MLLT3: variants seen among roughly 807,000 people sequenced by gnomAD.
The protein encoded by MLLT3 is MLLT3 super elongation complex subunit.
A neutral mutation model predicts 53.2 loss-of-function variants in MLLT3; 4 were observed. That is an observed-to-expected ratio of 0.08 (90% confidence interval 0.04 to 0.17). The LOEUF is 0.17. Ranked by LOEUF, MLLT3 falls within the 10% of genes least tolerant of loss-of-function variation. The pLI, the probability that MLLT3 is intolerant of heterozygous loss-of-function variation, is 1.00. For synonymous variants in MLLT3, 283 were observed against 230.6 expected (o/e 1.23, Z -2.06); for missense variants, 569 against 684.0 (o/e 0.83, Z 1.87).
At chr9:20,407,784 T>C (rs1300424033) in intron 5 of MLLT3, among the ~76,000 whole-genome samples, 1 of 152,068 alleles carries the variant, frequency 6.6e-6, no homozygotes. Flanking sequence ...ATAATACCTA[T>C]TTCACAGAGC....
intron 4 of MLLT3, among the ~76,000 whole-genome samples, chr9:20,425,794 A>T (rs906615168): frequency 1.3e-5 from 2 of 152,054 alleles, no homozygotes; most frequent in Non-Finnish European, 2.9e-5. Context: ...ATTTATTTCA[A>T]CTATGAAGAG....
chr9:20,420,790 C>T (rs1466425980), intron 4 of MLLT3, among the ~76,000 whole-genome samples: 1 of 152,094 alleles, frequency 6.6e-6, no homozygotes, highest in Non-Finnish European at 1.5e-5. Flanking sequence ...TGGTGTGCTG[C>T]ACCCATTAAC....
At chr9:20,398,148 G>A (rs556668733) in intron 5 of MLLT3, among the ~76,000 whole-genome samples, 35 of 152,114 alleles carry the variant, frequency 2.3e-4, no homozygotes, top group Admixed American at 1.9e-3. Context: ...TCAGGCTGGA[G>A]TGCAGTGTTA....
At chr9:20,589,136 G>A (rs1174801885) in intron 2 of MLLT3, among the ~76,000 whole-genome samples, 5 of 148,786 alleles carry the variant, frequency 3.4e-5, no homozygotes, top group Admixed American at 1.4e-4. Context: ...GCATGCACAC[G>A]TATGTTTATT....
chr9:20,441,964 C>G (rs1823566403), intron 4 of MLLT3, among the ~76,000 whole-genome samples: 1 of 152,098 alleles, frequency 6.6e-6, no homozygotes. Flanking sequence ...AAACACAGAC[C>G]TTGGTTAAAG....
At chr9:20,365,789 A>G (rs1438941854) in intron 5 of MLLT3, 45 bp from the exon 6 acceptor site, 3 of 1,593,436 alleles carry the variant, frequency 1.9e-6, no homozygotes, top group Non-Finnish European at 2.6e-6. Context: ...TTTACGGGAT[A>G]CCACACATCT....
chr9:20,495,324 C>A (rs1351961076), intron 2 of MLLT3, among the ~76,000 whole-genome samples: 1 of 152,204 alleles, frequency 6.6e-6, no homozygotes, highest in East Asian at 1.9e-4. Context: ...CCACTGCGAC[C>A]TACTGAATCA....
intron 2 of MLLT3, among the ~76,000 whole-genome samples, chr9:20,481,141 T>C (rs1335612392): frequency 2.0e-5 from 3 of 152,150 alleles, no homozygotes; most frequent in Non-Finnish European, 4.4e-5. Flanking sequence ...GGGCAAACTA[T>C]TGCCAGTCCC....
chr9:20,506,321 G>A (rs746487353), intron 2 of MLLT3, among the ~76,000 whole-genome samples: 37 of 152,248 alleles, frequency 2.4e-4, no homozygotes, highest in Non-Finnish European at 3.4e-4. Flanking sequence ...GATTACAGGC[G>A]TGAGCCACCG....
intron 5 of MLLT3, among the ~76,000 whole-genome samples, chr9:20,383,006 G>C (rs982274158): frequency 2.6e-5 from 4 of 151,850 alleles, no homozygotes; most frequent in African/African-American, 9.7e-5. Context: ...GCAAATAAAA[G>C]GTGGTAGAGT....
At chr9:20,490,075 G>C (rs1824910583) in intron 2 of MLLT3, among the ~76,000 whole-genome samples, 1 of 152,150 alleles carries the variant, frequency 6.6e-6, no homozygotes, top group Admixed American at 6.5e-5. Context: ...ATAAAGATGT[G>C]ATTTCTTTCA....
In MLLT3 at chr9:20,345,997, C is replaced by A; in HGVS notation, c.*446G>T. ...AAGTACTTATAATGTCTGATGGTGT[C>A]ATTCCCTCAACGACTTAGAATATCT... is the stretch of plus-strand genomic sequence containing the variant. On this transcript the variant is annotated 3_prime_UTR_variant, in exon 11 of 11. Transcript: ENST00000380338. The A allele has an allele frequency of 4.2e-6, 1 of 235,340 alleles. No homozygotes were observed. The allele number at this position is 235,340 out of a possible 1,614,324, so 14.6% of individuals were successfully genotyped here. A position where few individuals can be genotyped will look rare whatever the true frequency, so the allele number is the denominator to read the frequency against.
chr9:20,515,061 C>G (rs1281341630), intron 2 of MLLT3, among the ~76,000 whole-genome samples: 7 of 151,262 alleles, frequency 4.6e-5, no homozygotes, highest in African/African-American at 1.7e-4. Flanking sequence ...ATTCTCCTGC[C>G]TCAGCCTCCC....
At chr9:20,501,935 G>C (rs989709293) in intron 2 of MLLT3, among the ~76,000 whole-genome samples, 1 of 151,676 alleles carries the variant, frequency 6.6e-6, no homozygotes, top group African/African-American at 2.4e-5. Context: ...ACAAAAATTA[G>C]CTGGGGGTGG....
chr9:20,423,454 GC>G (rs1018902280), intron 4 of MLLT3, among the ~76,000 whole-genome samples: 9 of 151,972 alleles, frequency 5.9e-5, no homozygotes, highest in South Asian at 2.1e-4. Flanking sequence ...AATGCAATGG[GC>G]CCCCCTGGCC....
At chr9:20,494,514 T>G (rs555561514) in intron 2 of MLLT3, among the ~76,000 whole-genome samples, 2 of 152,320 alleles carry the variant, frequency 1.3e-5, no homozygotes, top group African/African-American at 4.8e-5. Context: ...AACCTCAAAG[T>G]CATACTGCAA....
intron 2 of MLLT3, among the ~76,000 whole-genome samples, chr9:20,565,434 A>T (rs1305122264): frequency 6.6e-6 from 1 of 152,136 alleles, no homozygotes; most frequent in Non-Finnish European, 1.5e-5. Flanking sequence ...CTTCTAGAGT[A>T]GCCCAGTGGA....
chr9:20,355,213 C>G (rs1192319052), intron 8 of MLLT3, among the ~76,000 whole-genome samples: 2 of 151,574 alleles, frequency 1.3e-5, no homozygotes, highest in Non-Finnish European at 1.5e-5. Context: ...CTGAGTTATA[C>G]AGAGATTATA....
chr9:20,370,007 C>A (rs188470610), intron 5 of MLLT3, among the ~76,000 whole-genome samples: 1 of 152,116 alleles, frequency 6.6e-6, no homozygotes, highest in Admixed American at 6.5e-5. Flanking sequence ...TGTAAAATAT[C>A]AAAATTCTCA....
Sources: gnomAD v4.1 joint callset for allele counts (sites outside exome capture counted in the v4.1 genomes callset) on GRCh38, gnomAD v4.1.1 for gene constraint, MANE v1.5 for transcripts, NCBI Gene and HGNC (gene_info 2026-07-23, HGNC 2026-07-21) for gene names.